NRXN1: variants seen among roughly 807,000 people sequenced by gnomAD.
NRXN1 encodes neurexin 1.
A neutral mutation model predicts 150.9 loss-of-function variants in NRXN1; 39 were observed. The ratio of observed to expected loss-of-function variants is 0.26; its 90% CI spans 0.20 to 0.34. The LOEUF is 0.34. Ranked by LOEUF, NRXN1 falls within the 10% of genes least tolerant of loss-of-function variation. The pLI is 1.00. For synonymous variants in NRXN1, 924 were observed against 757.0 expected, an observed-to-expected ratio of 1.22 and a Z score of -3.62; for missense variants, 1,815 against 1,949.9, an observed-to-expected ratio of 0.93 and a Z score of 1.30.
intron 13 of NRXN1, among the ~76,000 whole-genome samples, chr2:50,499,727 C>T (rs1179566956): frequency 6.6e-6 from 1 of 152,026 alleles, no homozygotes; most frequent in East Asian, 1.9e-4. Context: ...GGGGGCAGAT[C>T]ACCTGAGGTC....
chr2:50,237,844 G>A (rs144411093), intron 17 of NRXN1, among the ~76,000 whole-genome samples: 1 of 152,128 alleles, frequency 6.6e-6, no homozygotes, highest in East Asian at 1.9e-4. Flanking sequence ...AACCCCATAT[G>A]TTGAGGGCAG....
chr2:51,013,493 G>C (rs1022009378), intron 2 of NRXN1, among the ~76,000 whole-genome samples: 1 of 151,742 alleles, frequency 6.6e-6, no homozygotes, highest in African/African-American at 2.4e-5. Context: ...TGTAGGGGGA[G>C]GGGAGAGTAT....
intron 5 of NRXN1, among the ~76,000 whole-genome samples, chr2:50,809,224 A>G (rs758581288): frequency 1.2e-4 from 18 of 152,112 alleles, no homozygotes; most frequent in Non-Finnish European, 2.2e-4. Flanking sequence ...AAAAGTCCTC[A>G]AAGGAAACTT....
In NRXN1 at chr2:49,926,214, T is replaced by G. The variant is rs1669080956; in HGVS notation, c.4217-3963A>C. ...TTTCATATTTATATTCACTTCTTTC[T>G]CACTTCTGAGATTCATTTAGCCAAA... On this transcript the variant is annotated intron_variant, in intron 22 of 22. Coordinates refer to ENST00000401669, the MANE Select transcript of NRXN1 (RefSeq NM_001330078.2). 3 of 396,516 alleles carry G rather than the reference T, an allele frequency of 7.6e-6. No individual in the cohort carries two copies. In the South Asian group the frequency reaches 4.0e-4, roughly 53 times the overall value. 24.6% of individuals were successfully genotyped at this position (396,516 alleles called of 1,614,324 possible). A position where few individuals can be genotyped will look rare whatever the true frequency, so the allele number is the denominator to read the frequency against.
intron 18 of NRXN1, among the ~76,000 whole-genome samples, chr2:50,200,095 GA>G (rs1311395895): frequency 6.6e-6 from 1 of 152,010 alleles, no homozygotes; most frequent in Non-Finnish European, 1.5e-5. Context: ...TATAGTTTAT[GA>G]ATGTACAATC....
chr2:50,555,864 C>G (rs956552099), intron 8 of NRXN1, among the ~76,000 whole-genome samples: 1 of 152,134 alleles, frequency 6.6e-6, no homozygotes. Context: ...TGGGAAATTT[C>G]ATCTTCACAC....
intron 17 of NRXN1, among the ~76,000 whole-genome samples, chr2:50,451,819 T>C (rs1381522385): frequency 6.6e-6 from 1 of 152,210 alleles, no homozygotes; most frequent in Non-Finnish European, 1.5e-5. Context: ...CAATTTTTAT[T>C]ATGCAAGAAT....
rs116275404 is a variant in NRXN1, at chr2:49,956,643, G to A, written c.4129-12852C>T. ...CTAACCAACATACCGTAGCACCTTAGGTCCATGTATAAATTTAGGGAAGAG... is the reference window on the plus strand; with the variant it reads ...CTAACCAACATACCGTAGCACCTTAAGTCCATGTATAAATTTAGGGAAGAG... On this transcript the variant is annotated intron_variant, in intron 21 of 22. Transcript: ENST00000401669. Among the ~76,000 whole-genome samples the A allele has an allele frequency of 3.5e-3, 528 of 152,186 alleles. 4 individuals carry two copies. Among genetic ancestry groups the A allele is most frequent in the African/African-American group, 0.012 (515 of 41,530 alleles).
chr2:50,205,555 T>C (rs760957072), intron 18 of NRXN1, among the ~76,000 whole-genome samples: 1 of 152,048 alleles, frequency 6.6e-6, no homozygotes. Flanking sequence ...GGAATATATG[T>C]TATAAAATTC....
chr2:50,297,052 A>T (rs1879342), intron 17 of NRXN1, among the ~76,000 whole-genome samples: 129,498 of 151,704 alleles, frequency 0.85, 55,349 homozygotes, highest in Middle Eastern at 0.89. Flanking sequence ...CCAGCTAATT[A>T]TTTTGTATTT....
chr2:50,741,013 A>T (rs1467272386), intron 5 of NRXN1, among the ~76,000 whole-genome samples: 1 of 151,958 alleles, frequency 6.6e-6, no homozygotes, highest in Non-Finnish European at 1.5e-5. Flanking sequence ...CACTAAAATT[A>T]CTCCTTCTGT....
chr2:49,923,897 C>A (rs935432393), intron 22 of NRXN1, among the ~76,000 whole-genome samples: 2 of 152,194 alleles, frequency 1.3e-5, no homozygotes, highest in African/African-American at 4.8e-5. Context: ...GCTTGTTTTA[C>A]AAAAGCCCAC....
At chr2:49,988,827 A>G (rs1681419230) in intron 21 of NRXN1, among the ~76,000 whole-genome samples, 1 of 152,222 alleles carries the variant, frequency 6.6e-6, no homozygotes, top group Non-Finnish European at 1.5e-5. Flanking sequence ...ATTACATAGC[A>G]GAGTTAAGAA....
At chr2:51,003,957 C>T (rs887027764) in intron 2 of NRXN1, among the ~76,000 whole-genome samples, 3 of 151,804 alleles carry the variant, frequency 2.0e-5, no homozygotes, top group African/African-American at 7.3e-5. Context: ...CTGCAGAAAA[C>T]CGGTTTTACT....
At chr2:50,898,704 G>C (rs1465039018) in intron 5 of NRXN1, 1 of 350,996 alleles carries the variant, frequency 2.8e-6, no homozygotes, top group East Asian at 9.3e-5. Context: ...AATATAAAAA[G>C]CACATTTATA....
At chr2:50,231,676 A>T (rs1348587770) in intron 18 of NRXN1, among the ~76,000 whole-genome samples, 1 of 152,074 alleles carries the variant, frequency 6.6e-6, no homozygotes, top group Admixed American at 6.6e-5. Flanking sequence ...CTCCACCCTC[A>T]GTGACATTTC....
At chr2:50,302,607 T>G (rs898111756) in intron 17 of NRXN1, among the ~76,000 whole-genome samples, 2 of 152,198 alleles carry the variant, frequency 1.3e-5, no homozygotes, top group African/African-American at 2.4e-5. Context: ...GGAAGTTGTA[T>G]TAGTATCAAC....
At chr2:50,682,519 G>A (rs1690556675) in intron 5 of NRXN1, among the ~76,000 whole-genome samples, 1 of 152,128 alleles carries the variant, frequency 6.6e-6, no homozygotes, top group African/African-American at 2.4e-5. Context: ...TGACTTGGTT[G>A]ACACACATAT....
At chr2:50,278,459 A>G (rs1162258323) in intron 17 of NRXN1, among the ~76,000 whole-genome samples, 2 of 150,088 alleles carry the variant, frequency 1.3e-5, no homozygotes, top group Non-Finnish European at 3.0e-5. Flanking sequence ...GCCATTGATC[A>G]TAGATAGTAC....
Sources: allele counts gnomAD v4.1 joint callset (sites outside exome capture counted in the v4.1 genomes callset), GRCh38; gene constraint gnomAD v4.1.1; transcripts MANE v1.5; gene names NCBI Gene and HGNC (gene_info 2026-07-23, HGNC 2026-07-21).